Variants in RORA observed in about 807,000 individuals in gnomAD.
RORA encodes nuclear receptor ROR-alpha.
In RORA, 7 loss-of-function variants were observed where a neutral mutation model predicts 69.5. That is an observed-to-expected ratio of 0.10 (90% confidence interval 0.06 to 0.19). The LOEUF is 0.19. Among genes scored for constraint, RORA ranks in the 10% least tolerant of loss-of-function variants. RORA has a pLI of 1.00. For missense variants in RORA, 457 were observed against 663.0 expected (o/e 0.69, Z 3.41); for synonymous variants, 261 against 240.8 (o/e 1.08, Z -0.78).
At position 61,084,824 on chromosome 15, in the gene RORA, C is replaced by G. The variant is rs191482761; in HGVS notation, c.166+144229G>C. Reference sequence around the variant, plus strand: ...TTCAGGCCCTTTCAGTTCTACCCATCCTTTTTTTTTTTTTTTTTCTTTCCT... The same window carrying G: ...TTCAGGCCCTTTCAGTTCTACCCATGCTTTTTTTTTTTTTTTTTCTTTCCT... On this transcript the variant is annotated intron_variant, in intron 1 of 10. Coordinates refer to ENST00000335670, the MANE Select transcript of RORA (RefSeq NM_134261.3). Among the ~76,000 whole-genome samples, 59 of 138,900 alleles carry G rather than the reference C, an allele frequency of 4.2e-4. 1 individual carries two copies. Among genetic ancestry groups the G allele is most frequent in the African/African-American group, 1.4e-3 (47 of 33,842 alleles). 91.1% of individuals were successfully genotyped at this position (138,900 alleles called of 152,430 possible). A position where few individuals can be genotyped will look rare whatever the true frequency, so the allele number is the denominator to read the frequency against.
At chr15:61,145,052 CT>C (rs757968300) in intron 1 of RORA, among the ~76,000 whole-genome samples, 2 of 151,972 alleles carry the variant, frequency 1.3e-5, no homozygotes, top group African/African-American at 4.8e-5. Context: ...TAAAAGAAGC[CT>C]TTTTTTGTTT....
chr15:60,562,938 C>T (rs968949429), intron 2 of RORA, among the ~76,000 whole-genome samples: 8 of 152,178 alleles, frequency 5.3e-5, no homozygotes, highest in Non-Finnish European at 8.8e-5. Flanking sequence ...CCTCTTATTT[C>T]TTCCTTTAAA....
At chr15:60,802,190 C>A (rs896240039) in intron 1 of RORA, among the ~76,000 whole-genome samples, 1 of 152,214 alleles carries the variant, frequency 6.6e-6, no homozygotes, top group Non-Finnish European at 1.5e-5. Context: ...TGGGCCCTGA[C>A]AAGGACAGGC....
chr15:61,112,370 A>G (rs1293077768), intron 1 of RORA, among the ~76,000 whole-genome samples: 1 of 152,138 alleles, frequency 6.6e-6, no homozygotes, highest in African/African-American at 2.4e-5. Flanking sequence ...CAGTGCCAGG[A>G]AAGAGGGAGA....
intron 1 of RORA, among the ~76,000 whole-genome samples, chr15:60,820,528 A>G (rs1053470116): frequency 3.3e-5 from 5 of 152,106 alleles, no homozygotes; most frequent in Admixed American, 6.6e-5. Context: ...AGAAGGTTTA[A>G]GATTTGAGGG....
intron 1 of RORA, among the ~76,000 whole-genome samples, chr15:61,043,375 T>A (rs527836059): frequency 2.2e-4 from 33 of 152,158 alleles, no homozygotes; most frequent in African/African-American, 8.0e-4. Context: ...GTTCAGTCCT[T>A]TTGCCTCCTC....
At chr15:60,699,476 G>GA (rs1250957824) in intron 1 of RORA, among the ~76,000 whole-genome samples, 2 of 151,664 alleles carry the variant, frequency 1.3e-5, no homozygotes, top group South Asian at 2.1e-4. Context: ...TGTTGTGTCA[G>GA]AAAAAAAATC....
At chr15:60,525,261 C>G (rs906696095) in intron 3 of RORA, among the ~76,000 whole-genome samples, 2 of 152,122 alleles carry the variant, frequency 1.3e-5, no homozygotes, top group Admixed American at 6.5e-5. Flanking sequence ...CCTGGCACTT[C>G]CTACTGGAGT....
chr15:61,116,856 C>T (rs898633380), intron 1 of RORA, among the ~76,000 whole-genome samples: 2 of 152,140 alleles, frequency 1.3e-5, no homozygotes, highest in Non-Finnish European at 2.9e-5. Context: ...GCTAACTTCT[C>T]GTGTGATCAG....
At chr15:61,024,008 C>CA (rs150805597) in intron 1 of RORA, among the ~76,000 whole-genome samples, 2 of 152,066 alleles carry the variant, frequency 1.3e-5, no homozygotes, top group South Asian at 2.1e-4. Context: ...TCTATGGAAA[C>CA]AAAAAATGCA....
chr15:60,937,960 C>T (rs1467515812), intron 1 of RORA, among the ~76,000 whole-genome samples: 1 of 152,080 alleles, frequency 6.6e-6, no homozygotes, highest in South Asian at 2.1e-4. Context: ...GTGCCAGGAA[C>T]CTCATGAGGT....
chr15:61,084,210 GT>G (rs2078588426), intron 1 of RORA, among the ~76,000 whole-genome samples: 1 of 152,196 alleles, frequency 6.6e-6, no homozygotes, highest in African/African-American at 2.4e-5. Flanking sequence ...CTGTTTGAGA[GT>G]GCTCTCATCT....
intron 1 of RORA, among the ~76,000 whole-genome samples, chr15:61,127,492 T>C (rs188865763): frequency 2.6e-5 from 4 of 152,326 alleles, no homozygotes; most frequent in African/African-American, 9.6e-5. Flanking sequence ...TGACTTGAAA[T>C]GTCTGGCAAA....
At chr15:60,754,992 T>A (rs912226852) in intron 1 of RORA, among the ~76,000 whole-genome samples, 1 of 151,828 alleles carries the variant, frequency 6.6e-6, no homozygotes, top group African/African-American at 2.4e-5. Context: ...CTTTTTTTTT[T>A]TTTATATATA....
intron 1 of RORA, among the ~76,000 whole-genome samples, chr15:60,853,685 T>C (rs111894984): frequency 2.6e-5 from 4 of 152,228 alleles, no homozygotes; most frequent in Admixed American, 6.5e-5. Context: ...ATTCCAATCA[T>C]TGTGGCCCAG....
chr15:60,566,118 C>T (rs543724364), intron 2 of RORA, among the ~76,000 whole-genome samples: 1 of 152,228 alleles, frequency 6.6e-6, no homozygotes, highest in African/African-American at 2.4e-5. Context: ...TATAGCCCAC[C>T]TATACATAAA....
intron 1 of RORA, among the ~76,000 whole-genome samples, chr15:61,014,203 C>T (rs1008085199): frequency 8.5e-5 from 13 of 152,204 alleles, no homozygotes; most frequent in South Asian, 4.1e-4. Context: ...TACCCTCTCT[C>T]GGCCTCAGCT....
At chr15:60,841,356 G>A (rs146540149) in intron 1 of RORA, among the ~76,000 whole-genome samples, 4 of 152,158 alleles carry the variant, frequency 2.6e-5, no homozygotes, top group South Asian at 2.1e-4. Context: ...AATTTGGATC[G>A]TCCTGTGGCT....
intron 1 of RORA, among the ~76,000 whole-genome samples, chr15:60,717,777 CTTTCTTT>C (rs1435831431): frequency 8.1e-5 from 11 of 135,706 alleles, no homozygotes; most frequent in African/African-American, 3.0e-4. Context: ...ACATCTTCTT[CTTTCTTT>C]TTTCTTTTTC....
Sources: gnomAD v4.1 joint callset for allele counts (sites outside exome capture counted in the v4.1 genomes callset) on GRCh38, gnomAD v4.1.1 for gene constraint, MANE v1.5 for transcripts, NCBI Gene and HGNC (gene_info 2026-07-23, HGNC 2026-07-21) for gene names.